OPCML: variants seen among roughly 807,000 people sequenced by gnomAD.
OPCML encodes the protein opioid binding protein/cell adhesion molecule like, also known as opioid-binding protein/cell adhesion molecule.
A neutral mutation model predicts 37.8 loss-of-function variants in OPCML; 13 were observed. The observed-to-expected ratio is 0.34, with a 90% CI of 0.22 to 0.55. The LOEUF is 0.55. Ranked by LOEUF, OPCML falls within the 20% of genes least tolerant of loss-of-function variation. The pLI is 0.91. For synonymous variants in OPCML, 176 were observed against 168.8 expected (o/e 1.04, Z -0.33); for missense variants, 341 against 435.6 (o/e 0.78, Z 1.93).
At chr11:132,923,144 A>G (rs927370058) in intron 2 of OPCML, among the ~76,000 whole-genome samples, 4 of 152,126 alleles carry the variant, frequency 2.6e-5, no homozygotes, top group African/African-American at 7.2e-5. Context: ...ATTATGTTAC[A>G]GTTAACAGTA....
At chr11:132,915,804 T>C (rs1238658382) in intron 2 of OPCML, among the ~76,000 whole-genome samples, 1 of 152,272 alleles carries the variant, frequency 6.6e-6, no homozygotes, top group East Asian at 1.9e-4. Flanking sequence ...GTCTACTTTC[T>C]ATTGAGTAAT....
chr11:132,585,078 G>T (rs985869032), intron 3 of OPCML, among the ~76,000 whole-genome samples: 2 of 152,020 alleles, frequency 1.3e-5, no homozygotes, highest in Non-Finnish European at 2.9e-5. Context: ...ACATCTTTAG[G>T]CCAAATCTAA....
intron 4 of OPCML, among the ~76,000 whole-genome samples, chr11:132,441,152 C>CAAGG (rs1374033856): frequency 1.4e-5 from 2 of 143,728 alleles, no homozygotes; most frequent in Non-Finnish European, 3.0e-5. Flanking sequence ...ATGTGTTCAC[C>CAAGG]AAGGACTTTT....
At chr11:133,351,614 ACT>A (rs1944138470) in intron 1 of OPCML, among the ~76,000 whole-genome samples, 2 of 151,968 alleles carry the variant, frequency 1.3e-5, no homozygotes, top group Admixed American at 1.3e-4. Flanking sequence ...CTGTTTGCAC[ACT>A]CTGTCCTAGG....
At chr11:132,704,488 T>C (rs1943954277) in intron 2 of OPCML, among the ~76,000 whole-genome samples, 1 of 152,052 alleles carries the variant, frequency 6.6e-6, no homozygotes, top group Admixed American at 6.6e-5. Flanking sequence ...CAGTGGGCAC[T>C]CCCAAAAAAT....
At chr11:132,870,242 A>G (rs1403943147) in intron 2 of OPCML, among the ~76,000 whole-genome samples, 1 of 152,176 alleles carries the variant, frequency 6.6e-6, no homozygotes, top group Non-Finnish European at 1.5e-5. Context: ...TCTTTCCAAT[A>G]AATATGAGAT....
chr11:132,626,121 A>G (rs766799116), intron 3 of OPCML, among the ~76,000 whole-genome samples: 3 of 151,722 alleles, frequency 2.0e-5, no homozygotes, highest in Non-Finnish European at 4.4e-5. Flanking sequence ...GGACGTTAAT[A>G]GATAAAGCAT....
intron 2 of OPCML, among the ~76,000 whole-genome samples, chr11:132,763,859 T>A (rs1021967564): frequency 1.3e-5 from 2 of 152,236 alleles, no homozygotes; most frequent in African/African-American, 2.4e-5. Flanking sequence ...CCCGCTTTCA[T>A]TCCGCATCTT....
intron 4 of OPCML, among the ~76,000 whole-genome samples, chr11:132,483,794 C>A (rs1478667206): frequency 6.6e-6 from 1 of 151,488 alleles, no homozygotes; most frequent in African/African-American, 2.4e-5. Context: ...TTTGACAAAC[C>A]TGACAAAAAC....
chr11:132,942,240 A>T (rs1945602359), intron 2 of OPCML, among the ~76,000 whole-genome samples: 1 of 152,192 alleles, frequency 6.6e-6, no homozygotes, highest in South Asian at 2.1e-4. Flanking sequence ...TGGAGCATGC[A>T]AGTGATTCTC....
At chr11:133,282,771 G>C (rs1169763589) in intron 1 of OPCML, among the ~76,000 whole-genome samples, 2 of 152,214 alleles carry the variant, frequency 1.3e-5, no homozygotes, top group Non-Finnish European at 1.5e-5. Context: ...CAGGAGCAGA[G>C]TTTCCCAAAG....
At chr11:133,134,217 C>T (rs1949647237) in intron 1 of OPCML, among the ~76,000 whole-genome samples, 1 of 152,168 alleles carries the variant, frequency 6.6e-6, no homozygotes, top group South Asian at 2.1e-4. Flanking sequence ...CCAGGCCTTC[C>T]ATCCCATGCC....
intron 1 of OPCML, among the ~76,000 whole-genome samples, chr11:133,201,547 C>T (rs1938791088): frequency 6.6e-6 from 1 of 152,126 alleles, no homozygotes; most frequent in Non-Finnish European, 1.5e-5. Context: ...AGGTAAGTGG[C>T]ATGAGAGCAA....
intron 1 of OPCML, chr11:133,003,698 T>C: frequency 1.0e-6 from 1 of 985,414 alleles, no homozygotes; most frequent in Non-Finnish European, 1.2e-6. Flanking sequence ...TTGCTTCCGG[T>C]AATGAATTAA....
intron 2 of OPCML, among the ~76,000 whole-genome samples, chr11:132,870,202 C>T (rs1215553776): frequency 6.6e-6 from 1 of 152,150 alleles, no homozygotes; most frequent in Admixed American, 6.5e-5. Flanking sequence ...TGAGTTCAGA[C>T]AGTCAGCTTG....
intron 1 of OPCML, among the ~76,000 whole-genome samples, chr11:133,393,691 G>A (rs1202327437): frequency 6.6e-6 from 1 of 152,210 alleles, no homozygotes; most frequent in Non-Finnish European, 1.5e-5. Context: ...AGAAGGGGCA[G>A]GCAGTCTCAT....
intron 4 of OPCML, among the ~76,000 whole-genome samples, chr11:132,474,383 C>T (rs116308292): frequency 0.037 from 5,666 of 151,978 alleles, 325 homozygotes; most frequent in African/African-American, 0.13. Flanking sequence ...CACATAGGAG[C>T]GAAAAGAGCC....
chr11:133,000,860 CT>C (rs1360747245), intron 1 of OPCML, among the ~76,000 whole-genome samples: 3 of 152,184 alleles, frequency 2.0e-5, no homozygotes, highest in African/African-American at 7.2e-5. Context: ...CACGAATGAT[CT>C]GGTGCCATCC....
intron 4 of OPCML, among the ~76,000 whole-genome samples, chr11:132,481,024 T>C (rs1231956569): frequency 6.6e-6 from 1 of 152,152 alleles, no homozygotes; most frequent in Non-Finnish European, 1.5e-5. Flanking sequence ...TTGATATTAA[T>C]TATTAACTTT....
Sources: allele counts gnomAD v4.1 joint callset (sites outside exome capture counted in the v4.1 genomes callset), GRCh38; gene constraint gnomAD v4.1.1; transcripts MANE v1.5; gene names NCBI Gene and HGNC (gene_info 2026-07-23, HGNC 2026-07-21).